Variants in MKX observed in about 807,000 individuals in gnomAD.
MKX encodes mohawk homeobox.
In MKX, 13 loss-of-function variants were observed where a neutral mutation model predicts 36.0. The observed-to-expected ratio is 0.36, with a 90% confidence interval of 0.24 to 0.57. The LOEUF is 0.57. Ranked by LOEUF, MKX falls within the 20% of genes least tolerant of loss-of-function variation. MKX has a pLI of 0.79. For synonymous variants in MKX, 176 were observed against 178.3 expected, an observed-to-expected ratio of 0.99 and a Z score of 0.10; for missense variants, 458 against 456.4, an observed-to-expected ratio of 1.00 and a Z score of -0.03.
chr10:27,725,504 C>T (rs2132622605), intron 5 of MKX, among the ~76,000 whole-genome samples: 1 of 151,728 alleles, frequency 6.6e-6, no homozygotes, highest in East Asian at 1.9e-4. Context: ...AACAAGAAAC[C>T]AGGCTTCCAA....
In MKX at chr10:27,742,014, T is replaced by C. The variant is rs1036946493; in HGVS notation, c.189-510A>G. 1.3e-5 allele frequency among the ~76,000 whole-genome samples: 2 copies of C among 152,172 alleles called. No homozygotes were observed. The highest frequency in any genetic ancestry group is 1.9e-4 in the East Asian group (1 of 5,160). On this transcript the variant is annotated intron_variant, in intron 2 of 6. Coordinates refer to ENST00000419761, the MANE Select transcript of MKX (RefSeq NM_173576.3). The surrounding 1 kb of genome is among the most constrained non-coding windows in gnomAD (Gnocchi z 4.2). ...ACATAGGGAATAAAGCAAAGGAGCA[T>C]TGCCGCCCCGGCTCTCTTTAAGCTA...
intron 1 of MKX, 166 bp downstream of exon 1, chr10:27,745,541 G>C (rs1835035698): frequency 6.6e-6 from 1 of 152,476 alleles, no homozygotes; most frequent in Non-Finnish European, 1.5e-5. Context: ...CAAGCTCCGC[G>C]CAGACCCTTG....
At chr10:27,705,857 A>T (rs944049234) in intron 5 of MKX, among the ~76,000 whole-genome samples, 14 of 152,168 alleles carry the variant, frequency 9.2e-5, no homozygotes, top group African/African-American at 3.4e-4. Flanking sequence ...GACTTTCTTT[A>T]AAAAATGGTG....
chr10:27,717,840 G>C (rs1219561812), intron 5 of MKX, among the ~76,000 whole-genome samples: 1 of 152,196 alleles, frequency 6.6e-6, no homozygotes, highest in Non-Finnish European at 1.5e-5. Flanking sequence ...ATAATTCAGG[G>C]AAAGACCCAT....
chr10:27,698,714 GA>G (rs1402073848), intron 5 of MKX, among the ~76,000 whole-genome samples: 1 of 152,176 alleles, frequency 6.6e-6, no homozygotes, highest in Non-Finnish European at 1.5e-5. Flanking sequence ...GATGTACTCA[GA>G]GATGTCTGAT....
rs1252681656 is a variant in MKX at position 27,735,279 on chromosome 10, C to T, written c.444G>A (p.Lys148=). The T allele has an allele frequency of 6.2e-7, 1 of 1,613,666 alleles. No homozygotes were observed. The highest frequency in any genetic ancestry group is 1.3e-5 in the African/African-American group (1 of 74,904). ...SWALRIKLYN[K]YVQGNAERLS... ...GCCGTTCAGCATTGCCTTGAACATA[C>T]TTGTTGTATAACTTTATTCTCAAAG... The change falls in exon 4 of 7, where the codon AAG becomes AAA. Residue 148 remains lysine, a synonymous_variant. Transcript: ENST00000419761.
At chr10:27,737,558 T>C (rs1834806651) in intron 3 of MKX, among the ~76,000 whole-genome samples, 2 of 152,210 alleles carry the variant, frequency 1.3e-5, no homozygotes, top group South Asian at 4.1e-4. Context: ...TTGCTAGCTC[T>C]AAAAATTAAG....
chr10:27,704,965 T>G (rs117841895), intron 5 of MKX, among the ~76,000 whole-genome samples: 3 of 152,114 alleles, frequency 2.0e-5, no homozygotes, highest in Admixed American at 6.5e-5. Context: ...CTCATCTCCC[T>G]CCATAAAGAG....
At chr10:27,737,660 G>C (rs1367715650) in intron 3 of MKX, among the ~76,000 whole-genome samples, 1 of 152,034 alleles carries the variant, frequency 6.6e-6, no homozygotes, top group African/African-American at 2.4e-5. Context: ...ACTGTCTCCA[G>C]CAAGAGTGTT....
At chr10:27,680,383 A>AAAAAAAAAAAAAAG (rs1554768913) in intron 5 of MKX, among the ~76,000 whole-genome samples, 1 of 143,110 alleles carries the variant, frequency 7.0e-6, no homozygotes. Flanking sequence ...AAAAAAAAAA[A>AAAAAAAAAAAAAAG]AGGTGTGTAG....
At chr10:27,735,901 G>A (rs1247737264) in intron 3 of MKX, among the ~76,000 whole-genome samples, 1 of 152,138 alleles carries the variant, frequency 6.6e-6, no homozygotes, top group African/African-American at 2.4e-5. Flanking sequence ...TGAAGAAGAG[G>A]GAAGAGTTAA....
chr10:27,703,129 AG>A lies in MKX; in HGVS notation c.839-27576del, dbSNP rs776157550. 7.9e-4 allele frequency among the ~76,000 whole-genome samples: 121 copies of A among 152,288 alleles called. 2 individuals are homozygous for A. Among genetic ancestry groups the A allele is most frequent in the Non-Finnish European group, 5.6e-4 (38 of 68,026 alleles). On this transcript the variant is annotated intron_variant, in intron 5 of 6. Transcript: ENST00000419761. The stretch of plus-strand genomic sequence containing the variant: ...ATTACAAAAAGGCGCAGGACCACAA[AG>A]GGAAGTCCAGTTTTTTAATTCCTAA...
chr10:27,685,897 T>C (rs1270931209), intron 5 of MKX, among the ~76,000 whole-genome samples: 1 of 152,164 alleles, frequency 6.6e-6, no homozygotes, highest in Non-Finnish European at 1.5e-5. Flanking sequence ...TTGGGACAGT[T>C]AGAGCTTTTG....
chr10:27,726,150 C>G (rs559194357), intron 5 of MKX, among the ~76,000 whole-genome samples: 2 of 152,198 alleles, frequency 1.3e-5, no homozygotes, highest in East Asian at 3.9e-4. Context: ...ACCATAATGC[C>G]AAAATACAGA....
chr10:27,728,931 C>A (rs534584852), intron 5 of MKX, among the ~76,000 whole-genome samples: 27 of 152,314 alleles, frequency 1.8e-4, no homozygotes, highest in African/African-American at 6.3e-4. Flanking sequence ...CTTGTTCTCT[C>A]GTTTTGTTCC....
At chr10:27,683,482 T>C (rs751979982) in intron 5 of MKX, among the ~76,000 whole-genome samples, 3 of 152,226 alleles carry the variant, frequency 2.0e-5, no homozygotes, top group Non-Finnish European at 2.9e-5. Context: ...TTAGAGCACT[T>C]CCCTGCTGTT....
chr10:27,692,841 T>C (rs769854640), intron 5 of MKX, among the ~76,000 whole-genome samples: 9 of 152,224 alleles, frequency 5.9e-5, no homozygotes, highest in Non-Finnish European at 1.2e-4. Flanking sequence ...ATTTTTAGTC[T>C]GTTATTTCTA....
At chr10:27,727,304 A>G (rs1322969092) in intron 5 of MKX, among the ~76,000 whole-genome samples, 1 of 152,234 alleles carries the variant, frequency 6.6e-6, no homozygotes, top group Non-Finnish European at 1.5e-5. Flanking sequence ...GTGATACCAA[A>G]TAACAGAGAA....
chr10:27,730,310 G>T (rs1319970165), intron 5 of MKX, among the ~76,000 whole-genome samples: 1 of 152,118 alleles, frequency 6.6e-6, no homozygotes, highest in African/African-American at 2.4e-5. Flanking sequence ...ATAAAAATAT[G>T]TTTGCATTTG....
Sources: allele counts gnomAD v4.1 joint callset (sites outside exome capture counted in the v4.1 genomes callset), GRCh38; gene constraint gnomAD v4.1.1; non-coding constraint Gnocchi (gnomAD v3.1); transcripts MANE v1.5; gene names NCBI Gene and HGNC (gene_info 2026-07-23, HGNC 2026-07-21).